The following ADAM12 variants were observed in gnomAD, a reference collection of about 807,000 sequenced individuals.
The protein encoded by ADAM12 is disintegrin and metalloproteinase domain-containing protein 12.
Under a neutral mutation model 106.4 loss-of-function variants are expected in ADAM12, and 70 were observed. The ratio of observed to expected loss-of-function variants is 0.66; its 90% confidence interval spans 0.54 to 0.80. The LOEUF (loss-of-function observed/expected upper bound fraction) is 0.80, where lower values mean the gene tolerates loss of function less well. Ranked by LOEUF, ADAM12 falls within the 30% of genes least tolerant of loss-of-function variation. The pLI, the probability that ADAM12 is intolerant of heterozygous loss-of-function variation, is 0.00. For synonymous variants in ADAM12, 420 were observed against 433.5 expected (o/e 0.97, Z 0.39); for missense variants, 1,010 against 1,171.9 (o/e 0.86, Z 2.02).
intron 22 of ADAM12, among the ~76,000 whole-genome samples, chr10:126,019,044 G>A (rs1477070031): frequency 2.0e-5 from 3 of 152,262 alleles, no homozygotes; most frequent in African/African-American, 7.2e-5. Flanking sequence ...CCTTGTGGGA[G>A]GTGACTAGAT....
At chr10:126,387,892 G>GT (rs1272521470) in intron 1 of ADAM12, among the ~76,000 whole-genome samples, 166 bp downstream of exon 1, 1 of 129,610 alleles carries the variant, frequency 7.7e-6, no homozygotes, top group African/African-American at 2.7e-5. Flanking sequence ...TGGCACCTGG[G>GT]GGGGGGGGGT....
intron 1 of ADAM12, among the ~76,000 whole-genome samples, chr10:126,372,172 T>C (rs4420179): frequency 0.69 from 105,377 of 151,976 alleles, 36,806 homozygotes; most frequent in African/African-American, 0.75. Flanking sequence ...TTAACTTGGA[T>C]ACCCATCTAC....
chr10:126,295,418 T>A (rs960055106), intron 2 of ADAM12, among the ~76,000 whole-genome samples: 2 of 152,216 alleles, frequency 1.3e-5, no homozygotes, highest in African/African-American at 4.8e-5. Context: ...TGGTCATACC[T>A]CTGCTCCTTT....
At chr10:126,331,881 G>A (rs755707781) in intron 1 of ADAM12, among the ~76,000 whole-genome samples, 12 of 152,154 alleles carry the variant, frequency 7.9e-5, no homozygotes, top group South Asian at 2.1e-4. Flanking sequence ...ACCCGTGAAC[G>A]GCTGCTTGGA....
chr10:126,349,250 CAA>C (rs1246927016), intron 1 of ADAM12, among the ~76,000 whole-genome samples: 1 of 152,200 alleles, frequency 6.6e-6, no homozygotes, highest in Admixed American at 6.5e-5. Flanking sequence ...TGCTGGAAGA[CAA>C]AGTCTATACA....
chr10:126,038,038 C>G (rs1335556195), intron 20 of ADAM12, among the ~76,000 whole-genome samples: 1 of 152,200 alleles, frequency 6.6e-6, no homozygotes, highest in Non-Finnish European at 1.5e-5. Context: ...CCAACAGGAT[C>G]TAGGTGGGCT....
At chr10:126,037,689 C>T (rs1213762827) in intron 20 of ADAM12, among the ~76,000 whole-genome samples, 1 of 152,140 alleles carries the variant, frequency 6.6e-6, no homozygotes, top group African/African-American at 2.4e-5. Flanking sequence ...TAAGAGACAG[C>T]AGGGAGCCGT....
At chr10:126,328,447 C>T (rs1249514702) in intron 2 of ADAM12, among the ~76,000 whole-genome samples, 1 of 152,212 alleles carries the variant, frequency 6.6e-6, no homozygotes, top group Non-Finnish European at 1.5e-5. Flanking sequence ...GACAGATACA[C>T]ACATACACAC....
intron 6 of ADAM12, among the ~76,000 whole-genome samples, chr10:126,115,141 C>T (rs993397457): frequency 1.3e-5 from 2 of 152,216 alleles, no homozygotes; most frequent in Non-Finnish European, 2.9e-5. Flanking sequence ...CATTTCTTTT[C>T]AGAGAAGGCA....
intron 11 of ADAM12, among the ~76,000 whole-genome samples, chr10:126,080,719 A>G (rs1955196044): frequency 6.6e-6 from 1 of 151,898 alleles, no homozygotes; most frequent in African/African-American, 2.4e-5. Context: ...TAAAAAGAGG[A>G]TGAAACAGAC....
At chr10:126,217,725 C>A (rs1453542386) in intron 3 of ADAM12, among the ~76,000 whole-genome samples, 1 of 98,136 alleles carries the variant, frequency 1.0e-5, no homozygotes, top group East Asian at 3.5e-4. Context: ...GTAATCCCAG[C>A]ACTTTGGGAG....
rs574927495 is a variant in ADAM12, at chr10:126,362,010, G to C, written c.88+26048C>G. Among the ~76,000 whole-genome samples, 100 of 152,100 alleles carry C rather than the reference G, an allele frequency of 6.6e-4. 1 individual carries two copies. The South Asian group carries it at 0.015, about 22-fold the overall frequency. On this transcript the variant is annotated intron_variant, in intron 1 of 22. Coordinates refer to ENST00000448723, the MANE Select transcript of ADAM12 (RefSeq NM_001288973.2). ...GAATGAAGAGACAATGTAAGCATTG[G>C]GAGAAAATATTTGCAAGCCATTCAT...
intron 4 of ADAM12, among the ~76,000 whole-genome samples, chr10:126,141,581 T>A (rs776988647): frequency 2.6e-5 from 4 of 152,134 alleles, no homozygotes; most frequent in Non-Finnish European, 5.9e-5. Flanking sequence ...TCAAATATAA[T>A]GGTGGGTAAG....
At chr10:126,135,165 C>A (rs78438525) in intron 5 of ADAM12, among the ~76,000 whole-genome samples, 1 of 152,348 alleles carries the variant, frequency 6.6e-6, no homozygotes, top group Non-Finnish European at 1.5e-5. Flanking sequence ...AGTTTCCTTA[C>A]TTTGTTTCCT....
At chr10:126,326,934 C>A (rs1564735281) in intron 2 of ADAM12, among the ~76,000 whole-genome samples, 2 of 152,138 alleles carry the variant, frequency 1.3e-5, no homozygotes, top group Non-Finnish European at 2.9e-5. Context: ...AGGTGCATGG[C>A]AGGCACATAA....
chr10:126,350,538 G>C (rs553856885), intron 1 of ADAM12, among the ~76,000 whole-genome samples: 4 of 152,326 alleles, frequency 2.6e-5, no homozygotes, highest in Admixed American at 2.0e-4. Context: ...CATCATTCTA[G>C]GAAGTTCCTG....
At chr10:126,019,172 T>C (rs1953713161) in intron 22 of ADAM12, among the ~76,000 whole-genome samples, 1 of 152,046 alleles carries the variant, frequency 6.6e-6, no homozygotes, top group Non-Finnish European at 1.5e-5. Context: ...GCTCCAGCCA[T>C]GTGAAGTGCT....
chr10:126,090,376 C>G (rs4962319), intron 11 of ADAM12, among the ~76,000 whole-genome samples: 6,303 of 150,016 alleles, frequency 0.042, 313 homozygotes, highest in Admixed American at 0.14. Context: ...GCCTTTTTTC[C>G]TACTCTAGGA....
intron 3 of ADAM12, among the ~76,000 whole-genome samples, chr10:126,227,029 T>A (rs890162329): frequency 6.6e-6 from 1 of 152,134 alleles, no homozygotes; most frequent in Non-Finnish European, 1.5e-5. Context: ...GATAAGTGTT[T>A]CCTGCTACCA....
Sources: gnomAD v4.1 joint callset for allele counts (sites outside exome capture counted in the v4.1 genomes callset) on GRCh38, gnomAD v4.1.1 for gene constraint, MANE v1.5 for transcripts, NCBI Gene and HGNC (gene_info 2026-07-23, HGNC 2026-07-21) for gene names.